SEPTIN9: variants seen among roughly 807,000 people sequenced by gnomAD.
SEPTIN9 encodes septin-9.
Under a neutral mutation model 56.6 loss-of-function variants are expected in SEPTIN9, and 13 were observed. The observed-to-expected ratio is 0.23, with a 90% confidence interval of 0.15 to 0.37. The LOEUF (loss-of-function observed/expected upper bound fraction) is 0.37, where lower values mean the gene tolerates loss of function less well. SEPTIN9 is among the 10% of genes least tolerant of loss of function. The pLI is 1.00. For missense variants in SEPTIN9, 650 were observed against 823.1 expected (o/e 0.79, Z 2.57); for synonymous variants, 332 against 334.1 (o/e 0.99, Z 0.07).
chr17:77,296,571 G>A (rs2031823680), intron 1 of SEPTIN9, among the ~76,000 whole-genome samples: 1 of 152,186 alleles, frequency 6.6e-6, no homozygotes, highest in African/African-American at 2.4e-5. Context: ...CAGATGATAG[G>A]TTGGGTTCAG....
At chr17:77,299,823 C>G (rs1429824831) in intron 1 of SEPTIN9, among the ~76,000 whole-genome samples, 1 of 152,192 alleles carries the variant, frequency 6.6e-6, no homozygotes, top group Non-Finnish European at 1.5e-5. Flanking sequence ...CTTCCCCAGC[C>G]TGGGAGCCAG....
intron 2 of SEPTIN9, among the ~76,000 whole-genome samples, chr17:77,370,104 A>T (rs1214423230): frequency 1.3e-5 from 2 of 152,244 alleles, no homozygotes. Context: ...ACCTCAAGGC[A>T]TGATGCAGAT....
rs990500898 is a variant in SEPTIN9 at position 77,493,090 on chromosome 17, G to A, written c.1573+14G>A. 9.1e-6 allele frequency: 14 copies of A among 1,542,240 alleles called. No homozygotes were observed. In the African/African-American group the frequency reaches 1.8e-4, roughly 20 times the overall value. ...GTACCATCGAAGGTACTCGCCGCAG[G>A]CGCCGGGGCTCCAGACAGATGGGAA... On this transcript the variant is annotated intron_variant, in intron 10 of 11. Transcript: ENST00000427177.
intron 1 of SEPTIN9, among the ~76,000 whole-genome samples, chr17:77,290,476 G>A (rs747437461): frequency 2.0e-5 from 3 of 151,538 alleles, no homozygotes; most frequent in East Asian, 2.0e-4. Flanking sequence ...AGCCAGGATG[G>A]TCTCAATCTT....
intron 1 of SEPTIN9, among the ~76,000 whole-genome samples, chr17:77,305,796 C>T (rs2032234934): frequency 6.6e-6 from 1 of 150,884 alleles, no homozygotes. Flanking sequence ...GCAGTTCACT[C>T]TGCCTCCGCT....
intron 2 of SEPTIN9, among the ~76,000 whole-genome samples, chr17:77,379,485 C>T (rs1268225943): frequency 6.6e-6 from 1 of 152,194 alleles, no homozygotes; most frequent in African/African-American, 2.4e-5. Context: ...GCCTGGCAAC[C>T]TGTGACCTCT....
At chr17:77,426,225 A>G (rs1598355164) in intron 3 of SEPTIN9, among the ~76,000 whole-genome samples, 1 of 151,704 alleles carries the variant, frequency 6.6e-6, no homozygotes, top group Non-Finnish European at 1.5e-5. Flanking sequence ...TCCTGAACTG[A>G]CCGCCTGTCC....
chr17:77,307,305 A>T, intron 2 of SEPTIN9, 108 bp downstream of exon 2: 1 of 1,021,304 alleles, frequency 9.8e-7, no homozygotes, highest in Non-Finnish European at 1.5e-6. Flanking sequence ...TCCCTGGATG[A>T]GTGGGGCCAC....
At chr17:77,467,625 C>T (rs2038802778) in intron 3 of SEPTIN9, among the ~76,000 whole-genome samples, 1 of 152,238 alleles carries the variant, frequency 6.6e-6, no homozygotes, top group Non-Finnish European at 1.5e-5. Context: ...TCCATCCTTC[C>T]GCCTTAATGC....
Position 77,492,540 on chromosome 17 carries a change from G to A in SEPTIN9, c.1381-81G>A, listed in dbSNP as rs1299326983. 2.4e-6 allele frequency: 3 copies of A among 1,262,820 alleles called. No individual in the cohort carries two copies. The Admixed American group carries it at 5.0e-5, about 21-fold the overall frequency. 78.2% of individuals were successfully genotyped at this position (1,262,820 alleles called of 1,614,324 possible). A position where few individuals can be genotyped will look rare whatever the true frequency, so the allele number is the denominator to read the frequency against. On this transcript the variant is annotated intron_variant, in intron 8 of 11. Coordinates refer to ENST00000427177, the MANE Select transcript of SEPTIN9 (RefSeq NM_001113491.2). This position sits in a 1 kb window ranked among gnomAD's most constrained non-coding sequence, Gnocchi z 5.4. ...ACCCGAGCCTGGGGCAGCACACAGT[G>A]TGGAGGTCATGTGGCAAACACCAGT...
Position 77,423,255 on chromosome 17 carries a change from C to T in SEPTIN9, c.721+20552C>T, listed in dbSNP as rs372140607. On this transcript the variant is annotated intron_variant, in intron 3 of 11. Coordinates refer to ENST00000427177, the MANE Select transcript of SEPTIN9 (RefSeq NM_001113491.2). ...TTCACCATGTTGGCCAGGCTGGTCT[C>T]GAACTCCTGGCCTCAAGCGATCCGC... 6.6e-5 allele frequency among the ~76,000 whole-genome samples: 10 copies of T among 152,250 alleles called. 1 individual carries two copies. Among genetic ancestry groups the T allele is most frequent in the Middle Eastern group, 3.4e-3 (1 of 294 alleles).
In SEPTIN9 at chr17:77,292,109, G is replaced by T. The variant is rs139270367; in HGVS notation, c.19+10555G>T. Among the ~76,000 whole-genome samples, 3 of 152,208 alleles carry T rather than the reference G, an allele frequency of 2.0e-5. No homozygotes were observed. The South Asian group carries it at 6.2e-4, about 32-fold the overall frequency. On this transcript the variant is annotated intron_variant, in intron 1 of 11. Coordinates refer to ENST00000427177, the MANE Select transcript of SEPTIN9 (RefSeq NM_001113491.2). The stretch of plus-strand genomic sequence containing the variant: ...CATCTCTTCCTCGGCCCCTCAAGAC[G>T]CATCTGTACCCCCGGAGATGTCTCT...
rs945204459 is a variant in SEPTIN9, at chr17:77,500,482, G to C, written c.*1824G>C. Reference sequence around the variant, plus strand: ...AAAATTGTTCGTTTCATCAGGCTCTGTTCCTCAATGGCCTTTTGCTACGTG... The same window carrying C: ...AAAATTGTTCGTTTCATCAGGCTCTCTTCCTCAATGGCCTTTTGCTACGTG... On this transcript the variant is annotated 3_prime_UTR_variant, in exon 12 of 12. Transcript: ENST00000427177. The C allele has an allele frequency of 4.6e-6, 1 of 218,898 alleles. No individual in the cohort carries two copies. Among genetic ancestry groups the C allele is most frequent in the Non-Finnish European group, 9.2e-6 (1 of 108,802 alleles). The allele number at this position is 218,898 out of a possible 1,614,324, so 13.6% of individuals were successfully genotyped here.
At chr17:77,382,892 T>G (rs1158191599) in intron 2 of SEPTIN9, among the ~76,000 whole-genome samples, 1 of 151,932 alleles carries the variant, frequency 6.6e-6, no homozygotes, top group Non-Finnish European at 1.5e-5. Context: ...CCTGCCTGGT[T>G]GCTGCTCTCA....
At position 77,323,158 on chromosome 17, in the gene SEPTIN9, G is replaced by A. The variant is rs953315709; in HGVS notation, c.76+15961G>A. 6.6e-6 allele frequency among the ~76,000 whole-genome samples: 1 copy of A among 152,100 alleles called. No individual in the cohort carries two copies. The highest frequency in any genetic ancestry group is 1.5e-5 in the Non-Finnish European group (1 of 68,020). ...TCTGGCTCCGGTCTGGTTTGTGAAC[G>A]GGGGCCTGGGTACTCTCCCGCCCTC... is the stretch of plus-strand genomic sequence containing the variant. On this transcript the variant is annotated intron_variant, in intron 2 of 11. Transcript: ENST00000427177. This position sits in a 1 kb window ranked among gnomAD's most constrained non-coding sequence, Gnocchi z 6.8.
chr17:77,489,505 C>T (rs1181231369), intron 7 of SEPTIN9, among the ~76,000 whole-genome samples: 1 of 152,220 alleles, frequency 6.6e-6, no homozygotes, highest in Non-Finnish European at 1.5e-5. Context: ...GTGGCTCACC[C>T]TGAGCCAGGG....
chr17:77,427,485 C>T lies in SEPTIN9; in HGVS notation c.721+24782C>T, dbSNP rs1004337030. 5.9e-5 allele frequency among the ~76,000 whole-genome samples: 9 copies of T among 152,180 alleles called. No individual in the cohort carries two copies. The East Asian group carries it at 9.6e-4, about 16-fold the overall frequency. Reference sequence around the variant, plus strand: ...GGGAGATGCCCCACCTCACTTCCCCCGTCCTCCGGGCTCTGGCAATGGGCT... The same window carrying T: ...GGGAGATGCCCCACCTCACTTCCCCTGTCCTCCGGGCTCTGGCAATGGGCT... On this transcript the variant is annotated intron_variant, in intron 3 of 11. Transcript: ENST00000427177.
intron 2 of SEPTIN9, among the ~76,000 whole-genome samples, chr17:77,365,218 G>A (rs1598259158): frequency 6.6e-6 from 1 of 152,044 alleles, no homozygotes. Flanking sequence ...GTGGATATGC[G>A]CTCCTGTAGA....
Position 77,449,111 on chromosome 17 carries a change from T to C in SEPTIN9, c.722-33033T>C, listed in dbSNP as rs948687189. Among the ~76,000 whole-genome samples the C allele has an allele frequency of 2.6e-5, 4 of 152,100 alleles. No homozygotes were observed. The highest frequency in any genetic ancestry group is 4.4e-5 in the Non-Finnish European group (3 of 68,018). Reference sequence around the variant, plus strand: ...TTCTTACATTTTTTATTGTAGGTGCTGGAAAATGTAAGGTTGCGTCTGTGG... The same window carrying C: ...TTCTTACATTTTTTATTGTAGGTGCCGGAAAATGTAAGGTTGCGTCTGTGG... On this transcript the variant is annotated intron_variant, in intron 3 of 11. Coordinates refer to ENST00000427177, the MANE Select transcript of SEPTIN9 (RefSeq NM_001113491.2). The surrounding 1 kb of genome is among the most constrained non-coding windows in gnomAD (Gnocchi z 4.6).
Sources: gnomAD v4.1 joint callset for allele counts (sites outside exome capture counted in the v4.1 genomes callset) on GRCh38, gnomAD v4.1.1 for gene constraint, Gnocchi (gnomAD v3.1) non-coding constraint, MANE v1.5 for transcripts, NCBI Gene and HGNC (gene_info 2026-07-23, HGNC 2026-07-21) for gene names.